TMSB15B: variants seen among roughly 807,000 people sequenced by gnomAD.
The protein encoded by TMSB15B is thymosin beta-15B.
At chrX:103,955,601 A>G (rs186768631) in intron 1 of TMSB15B, among the ~76,000 whole-genome samples, 62 of 111,184 alleles carry the variant, frequency 5.6e-4, no homozygotes, top group African/African-American at 1.9e-3. Context: ...GAAAAAAAGA[A>G]TGAAAACGAA....
chrX:103,937,863 G>GT (rs1368262885), intron 1 of TMSB15B, among the ~76,000 whole-genome samples: 1 of 111,623 alleles, frequency 9.0e-6, no homozygotes, highest in African/African-American at 3.3e-5. Context: ...ATTCTGGTAC[G>GT]TTTTGTCTTT....
chrX:103,928,740 G>A, intron 1 of TMSB15B: 1 of 1,171,415 alleles, frequency 8.5e-7, no homozygotes, highest in Non-Finnish European at 1.2e-6. Flanking sequence ...TTCCTGCCTT[G>A]GTGTCTGGTA....
chrX:103,941,137 A>G (rs1307961804), intron 1 of TMSB15B, among the ~76,000 whole-genome samples: 1 of 111,998 alleles, frequency 8.9e-6, no homozygotes, highest in Non-Finnish European at 1.9e-5. Context: ...AGAGCTGCAC[A>G]CTGGAGCTGT....
At chrX:103,954,122 A>G (rs1422338910) in intron 1 of TMSB15B, among the ~76,000 whole-genome samples, 5 of 112,410 alleles carry the variant, frequency 4.4e-5, no homozygotes, top group Non-Finnish European at 9.4e-5. Context: ...TGAATTGGCA[A>G]GATAGCTGAT....
chrX:103,932,374 C>G (rs1487974026), intron 1 of TMSB15B: 1 of 111,740 alleles, frequency 8.9e-6, no homozygotes, highest in Non-Finnish European at 1.9e-5. Context: ...TGATTGCTCA[C>G]TTAGTGTGTG....
At chrX:103,947,846 G>A (rs1205343901) in intron 1 of TMSB15B, among the ~76,000 whole-genome samples, 2 of 111,311 alleles carry the variant, frequency 1.8e-5, no homozygotes, top group Non-Finnish European at 3.8e-5. Context: ...GTATAACCAG[G>A]AAACCTATAA....
intron 1 of TMSB15B, among the ~76,000 whole-genome samples, chrX:103,953,726 G>A (rs1417545614): frequency 8.9e-6 from 1 of 112,034 alleles, no homozygotes; most frequent in Non-Finnish European, 1.9e-5. Context: ...CTTACTGGGA[G>A]GGACCTCCCA....
intron 1 of TMSB15B, chrX:103,928,319 A>C: frequency 8.3e-7 from 1 of 1,207,032 alleles, no homozygotes; most frequent in Non-Finnish European, 1.1e-6. Flanking sequence ...GAAGGTCCTC[A>C]ATACTTCTAC....
At chrX:103,926,252 C>T (rs2074967599) in intron 1 of TMSB15B, among the ~76,000 whole-genome samples, 1 of 108,500 alleles carries the variant, frequency 9.2e-6, no homozygotes, top group Admixed American at 9.8e-5. Flanking sequence ...GTCTCTCCAC[C>T]AAGAGGTGAG....
chrX:103,932,536 A>C (rs1257029604), intron 1 of TMSB15B: 1 of 112,580 alleles, frequency 8.9e-6, no homozygotes, highest in African/African-American at 3.2e-5. Flanking sequence ...GCCTTTATAA[A>C]AACTTTATGT....
chrX:103,954,174 G>A lies in TMSB15B; in HGVS notation c.-720-7847G>A, dbSNP rs147432073. 6.0e-3 allele frequency among the ~76,000 whole-genome samples: 673 copies of A among 112,362 alleles called. 9 individuals are homozygous for A. The highest frequency in any genetic ancestry group is 0.02 in the African/African-American group (631 of 30,926). The stretch of plus-strand genomic sequence containing the variant: ...TTGTTGCAGGAGTATCTGTAGTAGA[G>A]CATGGCCAGGCATGGCCACCCCTTT... On this transcript the variant is annotated intron_variant, in intron 1 of 3. Transcript: ENST00000419165.
At chrX:103,926,551 G>A (rs1204370425) in intron 1 of TMSB15B, among the ~76,000 whole-genome samples, 2 of 109,245 alleles carry the variant, frequency 1.8e-5, no homozygotes, top group African/African-American at 6.7e-5. Flanking sequence ...GGATATGGAT[G>A]GAGCAGGGAG....
At chrX:103,949,944 A>G (rs1274694630) in intron 1 of TMSB15B, among the ~76,000 whole-genome samples, 1 of 111,700 alleles carries the variant, frequency 9.0e-6, no homozygotes, top group African/African-American at 3.3e-5. Flanking sequence ...CAGTGAGATG[A>G]GAGAGTGTGG....
chrX:103,948,466 A>G (rs1277156650), intron 1 of TMSB15B, among the ~76,000 whole-genome samples: 2 of 112,110 alleles, frequency 1.8e-5, no homozygotes, highest in East Asian at 5.6e-4. Flanking sequence ...GACTAAGAGG[A>G]GGCTATTGCA....
intron 1 of TMSB15B, among the ~76,000 whole-genome samples, chrX:103,951,986 T>G (rs12171777): frequency 9.0e-6 from 1 of 110,735 alleles, no homozygotes; most frequent in African/African-American, 3.3e-5. Flanking sequence ...AGTGAGTACA[T>G]GAGTGAGTAA....
intron 1 of TMSB15B, among the ~76,000 whole-genome samples, chrX:103,934,763 C>T (rs1432931669): frequency 2.7e-5 from 3 of 111,517 alleles, no homozygotes; most frequent in South Asian, 3.8e-4. Context: ...GGGTTGGTTC[C>T]GAGTCTTTGC....
chrX:103,944,157 C>A (rs2075019276), intron 1 of TMSB15B, among the ~76,000 whole-genome samples: 1 of 111,950 alleles, frequency 8.9e-6, no homozygotes, highest in African/African-American at 3.3e-5. Flanking sequence ...TGTTCTTATT[C>A]ATGATACTTA....
At chrX:103,928,877 C>G in intron 1 of TMSB15B, 2 of 1,205,338 alleles carry the variant, frequency 1.7e-6, no homozygotes, top group Non-Finnish European at 2.2e-6. Flanking sequence ...GTGTGGAACA[C>G]TTGGGGCCAA....
At chrX:103,924,382 T>A (rs1315846787) in intron 1 of TMSB15B, among the ~76,000 whole-genome samples, 2 of 111,900 alleles carry the variant, frequency 1.8e-5, no homozygotes, top group East Asian at 2.8e-4. Context: ...CAAGATCCTA[T>A]TCTACTCTAC....
Sources: gnomAD v4.1 joint callset for allele counts (sites outside exome capture counted in the v4.1 genomes callset) on GRCh38, gnomAD v4.1.1 for gene constraint, MANE v1.5 for transcripts, NCBI Gene and HGNC (gene_info 2026-07-23, HGNC 2026-07-21) for gene names.